The following SUN1 variants were observed in gnomAD, a reference collection of about 807,000 sequenced individuals.
SUN1 encodes the protein Sad1 and UNC84 domain containing 1, also known as SUN domain-containing protein 1.
In SUN1, 61 loss-of-function variants were observed where a neutral mutation model predicts 103.2. The observed-to-expected ratio is 0.59, with a 90% CI of 0.48 to 0.73. The LOEUF is 0.73. Among genes scored for constraint, SUN1 ranks in the 30% least tolerant of loss-of-function variants. SUN1 has a pLI of 0.00. For missense variants in SUN1, 1,052 were observed against 1,034.6 expected (o/e 1.02, Z -0.23); for synonymous variants, 490 against 425.7 (o/e 1.15, Z -1.86).
At chr7:867,414 G>T (rs934652983) in intron 16 of SUN1, among the ~76,000 whole-genome samples, 16 of 152,366 alleles carry the variant, frequency 1.1e-4, no homozygotes, top group African/African-American at 3.4e-4. Context: ...CTGCATGGCG[G>T]TCCTGCTCCT....
In SUN1 at chr7:848,395, G is replaced by T. The variant is rs866183226; in HGVS notation, c.659-2989G>T. ...TATTGGCTTTATGGGAAGAAATAAC[G>T]CATGTTCATGGTTTTTTAATAGGCG... is the stretch of plus-strand genomic sequence containing the variant. On this transcript the variant is annotated intron_variant, in intron 5 of 18. Transcript: ENST00000401592. 9.7e-6 allele frequency: 13 copies of T among 1,343,424 alleles called. 1 individual carries two copies. In the Middle Eastern group the frequency reaches 1.7e-3, roughly 175 times the overall value. The allele number at this position is 1,343,424 out of a possible 1,614,324, so 83.2% of individuals were successfully genotyped here. A position where few individuals can be genotyped will look rare whatever the true frequency, so the allele number is the denominator to read the frequency against.
At chr7:840,366 G>A (rs542565537) in intron 2 of SUN1, among the ~76,000 whole-genome samples, 3 of 152,372 alleles carry the variant, frequency 2.0e-5, no homozygotes, top group Non-Finnish European at 2.9e-5. Flanking sequence ...CCCAGTCTCC[G>A]TCTCCCAGTG....
chr7:865,358 G>T (rs1474221693), intron 15 of SUN1, among the ~76,000 whole-genome samples: 1 of 151,614 alleles, frequency 6.6e-6, no homozygotes, highest in East Asian at 2.0e-4. Flanking sequence ...TGATCCACCG[G>T]CCTCGGCCTC....
upstream of SUN1, among the ~76,000 whole-genome samples, chr7:829,811 C>T (rs1470161734): frequency 6.6e-6 from 1 of 152,190 alleles, no homozygotes; most frequent in Non-Finnish European, 1.5e-5. Context: ...TCCTCGGCCT[C>T]CCAAAGTGCT....
intron 5 of SUN1, chr7:849,769 C>G (rs1362016489): frequency 7.3e-6 from 8 of 1,097,186 alleles, no homozygotes; most frequent in Non-Finnish European, 1.1e-5. Flanking sequence ...CACAGAAGCT[C>G]ATAGCCACCA....
At chr7:825,277 T>A (rs1337897239) in intron 1 of SUN1, among the ~76,000 whole-genome samples, 1 of 152,236 alleles carries the variant, frequency 6.6e-6, no homozygotes, top group Non-Finnish European at 1.5e-5. Context: ...TTAGTCAGGT[T>A]GGTCTTGATC....
rs1585448376 is a variant in SUN1, at chr7:874,081, C to T, written c.*750C>T. Reference sequence around the variant, plus strand: ...GCAAGGCTTTTCCTGTTGGGAGTCACAGTAAACAGAAACCCAAAAATCTCA... The same window carrying T: ...GCAAGGCTTTTCCTGTTGGGAGTCATAGTAAACAGAAACCCAAAAATCTCA... On this transcript the variant is annotated 3_prime_UTR_variant, in exon 19 of 19. Coordinates refer to ENST00000401592, the MANE Select transcript of SUN1 (RefSeq NM_001130965.3). 1 of 152,210 alleles carries T rather than the reference C, an allele frequency of 6.6e-6. No homozygotes were observed. The highest frequency in any genetic ancestry group is 1.9e-4 in the East Asian group (1 of 5,202). The allele number at this position is 152,210 out of a possible 1,614,324, so 9.4% of individuals were successfully genotyped here. A position where few individuals can be genotyped will look rare whatever the true frequency, so the allele number is the denominator to read the frequency against.
At chr7:844,772 T>C (rs1479868248) in intron 5 of SUN1, among the ~76,000 whole-genome samples, 3 of 152,210 alleles carry the variant, frequency 2.0e-5, no homozygotes, top group South Asian at 2.1e-4. Context: ...AGCCCCCTTA[T>C]TACAGACAAG....
chr7:819,537 G>C (rs961311459), intron 1 of SUN1, among the ~76,000 whole-genome samples: 10 of 152,068 alleles, frequency 6.6e-5, no homozygotes, highest in African/African-American at 2.4e-4. Context: ...GGTAGGTTCT[G>C]ACTTCGTTCT....
chr7:846,075 A>C (rs879716946), intron 5 of SUN1, among the ~76,000 whole-genome samples: 7 of 152,012 alleles, frequency 4.6e-5, no homozygotes, highest in Non-Finnish European at 1.0e-4. Context: ...ATTGAGGTTA[A>C]CTTTATTCTT....
Position 865,953 on chromosome 7 carries a change from T to C in SUN1, c.1866T>C (p.Gly622=), listed in dbSNP as rs773020188. The part of the protein sequence containing the change: ...GMVDFALESG[G]GSILSTRCSE... The stretch of plus-strand genomic sequence containing the variant: ...GACCGATCTGAACTTTGCTTTAAGG[T>C]GGCAGCATCTTGAGTACTCGCTGTT... The change falls in exon 16 of 19, where the codon GGT becomes GGC. Residue 622 remains glycine, a splice_region_variant and synonymous_variant. Transcript: ENST00000401592. The C allele has an allele frequency of 6.2e-7, 1 of 1,613,932 alleles. No individual in the cohort carries two copies. Among genetic ancestry groups the C allele is most frequent in the Non-Finnish European group, 8.5e-7 (1 of 1,179,870 alleles).
chr7:868,161 G>A (rs745887352), intron 16 of SUN1, among the ~76,000 whole-genome samples: 30 of 152,372 alleles, frequency 2.0e-4, no homozygotes, highest in African/African-American at 5.5e-4. Flanking sequence ...AATGAAATGC[G>A]TGTGTCGTCC....
At chr7:832,250 C>T (rs767180489), upstream of SUN1, 15 of 554,588 alleles carry the variant, frequency 2.7e-5, no homozygotes, top group Non-Finnish European at 4.2e-5. Flanking sequence ...ACGAGTCAGC[C>T]ACTTTAGGGT....
At chr7:868,938 G>A (rs1839384932) in intron 16 of SUN1, 1 of 184,524 alleles carries the variant, frequency 5.4e-6, no homozygotes, top group African/African-American at 3.3e-5. Flanking sequence ...TCCCTGTGGT[G>A]TTGGTCGGAT....
intron 1 of SUN1, among the ~76,000 whole-genome samples, chr7:826,264 C>T (rs769510767): frequency 4.6e-5 from 2 of 43,784 alleles, no homozygotes; most frequent in Non-Finnish European, 9.6e-5. Context: ...AACAAAGAAA[C>T]GAACTGCCTG....
At chr7:829,572 T>A (rs2128208325), upstream of SUN1, among the ~76,000 whole-genome samples, 1 of 151,686 alleles carries the variant, frequency 6.6e-6, no homozygotes, top group East Asian at 1.9e-4. Context: ...TTTTTTTTTT[T>A]GAGATGGAGT....
chr7:852,707 G>A (rs7811913), intron 8 of SUN1, 40 bp downstream of exon 8: 143 of 1,613,944 alleles, frequency 8.9e-5, no homozygotes, highest in Non-Finnish European at 1.1e-4. Flanking sequence ...ATGGCTAAGC[G>A]GTACACACAT....
chr7:865,658 C>T (rs1835886083), intron 15 of SUN1, among the ~76,000 whole-genome samples: 1 of 152,142 alleles, frequency 6.6e-6, no homozygotes, highest in Non-Finnish European at 1.5e-5. Flanking sequence ...TTCTTGGGGA[C>T]CTCCAAACCA....
chr7:818,454 G>C (rs1782939733), intron 1 of SUN1, among the ~76,000 whole-genome samples: 1 of 152,144 alleles, frequency 6.6e-6, no homozygotes, highest in Admixed American at 6.5e-5. Flanking sequence ...TGGACACTTG[G>C]GCTGTTTGCA....
Sources: allele counts gnomAD v4.1 joint callset (sites outside exome capture counted in the v4.1 genomes callset), GRCh38; gene constraint gnomAD v4.1.1; transcripts MANE v1.5; gene names NCBI Gene and HGNC (gene_info 2026-07-23, HGNC 2026-07-21).